The following UHRF1 variants were observed in gnomAD, a reference collection of about 807,000 sequenced individuals.
UHRF1 encodes E3 ubiquitin-protein ligase UHRF1.
A neutral mutation model predicts 96.5 loss-of-function variants in UHRF1; 9 were observed. The ratio of observed to expected loss-of-function variants is 0.09; its 90% confidence interval spans 0.06 to 0.16. The LOEUF (loss-of-function observed/expected upper bound fraction) is 0.16, where lower values mean the gene tolerates loss of function less well. UHRF1 is among the 10% of genes least tolerant of loss of function. The probability of loss-of-function intolerance (pLI) is 1.00; values close to 1 mark genes in which losing one functional copy is unlikely to be tolerated. For missense variants in UHRF1, 626 were observed against 1,131.1 expected (o/e 0.55, Z 6.40); for synonymous variants, 455 against 469.9 (o/e 0.97, Z 0.41).
chr19:4,935,170 G>A (rs916843849), intron 5 of UHRF1, among the ~76,000 whole-genome samples: 2 of 152,054 alleles, frequency 1.3e-5, no homozygotes, highest in African/African-American at 4.8e-5. Context: ...GTTTCACCAT[G>A]CTGCCCAGGC....
chr19:4,924,420 ATTATAGGC>A (rs908023807), intron 2 of UHRF1, among the ~76,000 whole-genome samples: 15 of 152,222 alleles, frequency 9.9e-5, no homozygotes, highest in African/African-American at 3.6e-4. Context: ...AAGTGCTGGG[ATTATAGGC>A]GTGAGCCACC....
At chr19:4,915,294 A>T (rs1452095066) in intron 2 of UHRF1, among the ~76,000 whole-genome samples, 1 of 152,166 alleles carries the variant, frequency 6.6e-6, no homozygotes, top group Non-Finnish European at 1.5e-5. Flanking sequence ...CTCCCCCAGG[A>T]TGGCTCCCTG....
chr19:4,931,982 G>T (rs2033066931), intron 4 of UHRF1, among the ~76,000 whole-genome samples: 1 of 152,096 alleles, frequency 6.6e-6, no homozygotes, highest in Admixed American at 6.5e-5. Context: ...GCCCAGGCTG[G>T]CGTCAATGGC....
intron 5 of UHRF1, among the ~76,000 whole-genome samples, chr19:4,941,085 G>GTTTTTTTT (rs869250736): frequency 7.2e-4 from 36 of 50,062 alleles, no homozygotes; most frequent in East Asian, 4.5e-3. Flanking sequence ...TCTGTGTTTT[G>GTTTTTTTT]TTTTTTTTTT....
At chr19:4,933,463 C>G (rs891697500) in intron 5 of UHRF1, among the ~76,000 whole-genome samples, 1 of 152,142 alleles carries the variant, frequency 6.6e-6, no homozygotes, top group Non-Finnish European at 1.5e-5. Flanking sequence ...ATCTGCCTGC[C>G]TCGGCCTCCC....
chr19:4,956,595 G>T, intron 15 of UHRF1, 114 bp from the exon 16 acceptor site: 1 of 711,414 alleles, frequency 1.4e-6, no homozygotes, highest in Non-Finnish European at 2.5e-6. Context: ...GCCTCCTGGA[G>T]TGAAGGCTGG....
In UHRF1 at chr19:4,954,433, G is replaced by T. The variant is rs778427608; in HGVS notation, c.1902G>T (p.Glu634Asp). 6.2e-7 allele frequency: 1 copy of T among 1,613,774 alleles called. No individual in the cohort carries two copies. The highest frequency in any genetic ancestry group is 8.5e-7 in the Non-Finnish European group (1 of 1,179,772). Residue 634 changes from glutamate to aspartate, a missense_variant, in exon 14 of 17, where the codon GAG becomes GAT. By Grantham distance (45) the Glu-to-Asp change is conservative. Around this residue, in one of 11 missense-constraint regions of UHRF1, gnomAD observed 90 missense variants for 94.7 expected, o/e 0.95. Transcript: ENST00000650932. This position sits in a 1 kb window ranked among gnomAD's most constrained non-coding sequence, Gnocchi z 5.9. ...NSKREEEEQQ[E>D]GGFASPRTGK... Reference sequence around the variant, plus strand: ...AGAGGGAGGAGGAGGAGCAGCAGGAGGGGGGCTTCGCGTCCCCCAGGACGG... The same window carrying T: ...AGAGGGAGGAGGAGGAGCAGCAGGATGGGGGCTTCGCGTCCCCCAGGACGG...
At chr19:4,947,490 C>CTTTTTTTTTTTTTTTTTTTTT (rs985069179) in intron 11 of UHRF1, among the ~76,000 whole-genome samples, 2 of 57,860 alleles carry the variant, frequency 3.5e-5, no homozygotes, top group African/African-American at 6.7e-5. Flanking sequence ...TAATAGATAT[C>CTTTTTTTTTTTTTTTTTTTTT]TTTTTTTTTT....
intron 10 of UHRF1, 150 bp from the exon 11 acceptor site, chr19:4,946,955 A>G: frequency 1.1e-5 from 7 of 629,966 alleles, no homozygotes; most frequent in Non-Finnish European, 1.9e-5. Flanking sequence ...AACAGTTTAC[A>G]AAGGGCTCCA....
At chr19:4,929,934 G>A (rs1000987976) in intron 3 of UHRF1, among the ~76,000 whole-genome samples, 4 of 152,058 alleles carry the variant, frequency 2.6e-5, no homozygotes, top group Admixed American at 6.6e-5. Context: ...CTGAGTAGCT[G>A]ATGTTATAGG....
intron 16 of UHRF1, among the ~76,000 whole-genome samples, chr19:4,958,514 C>T (rs2033913947): frequency 6.6e-6 from 1 of 152,234 alleles, no homozygotes; most frequent in South Asian, 2.1e-4. Flanking sequence ...CTGTCCTGTG[C>T]ATCGGTGTGA....
In UHRF1 at chr19:4,942,493, A is replaced by C. The variant is rs374011715; in HGVS notation, c.1073+562A>C. Among the ~76,000 whole-genome samples, 143 of 150,076 alleles carry C rather than the reference A, an allele frequency of 9.5e-4. 3 individuals are homozygous for C. The South Asian group carries it at 0.029, about 31-fold the overall frequency. ...GCGTGAGCCACCTCGCCCAGCCTTG[A>C]GACGGAGTCTAATGGCACGATCTTG... is the stretch of plus-strand genomic sequence containing the variant. On this transcript the variant is annotated intron_variant, in intron 7 of 16. Transcript: ENST00000650932.
Position 4,954,525 on chromosome 19 carries a change from T to A in UHRF1, c.1957+37T>A, listed in dbSNP as rs572088429. ...GTGGGTGTGGGGTGAGCGTCTTGTG[T>A]GTGGGGGAGCAGGTGGGCATCTCGC... On this transcript the variant is annotated intron_variant, in intron 14 of 16. Transcript: ENST00000650932. The surrounding 1 kb of genome is among the most constrained non-coding windows in gnomAD (Gnocchi z 5.9). The A allele has an allele frequency of 2.5e-6, 4 of 1,590,048 alleles. No homozygotes were observed. Among genetic ancestry groups the A allele is most frequent in the East Asian group, 4.5e-5 (2 of 44,464 alleles).
chr19:4,934,685 G>C (rs758402794), intron 5 of UHRF1, among the ~76,000 whole-genome samples: 1 of 152,136 alleles, frequency 6.6e-6, no homozygotes, highest in Non-Finnish European at 1.5e-5. Context: ...CTATAAACAC[G>C]AGCATCTTGG....
chr19:4,930,933 G>A lies in UHRF1; in HGVS notation c.569+57G>A, dbSNP rs2033032002. On this transcript the variant is annotated intron_variant, in intron 4 of 16. Coordinates refer to ENST00000650932, the MANE Select transcript of UHRF1 (RefSeq NM_001048201.3). This position sits in a 1 kb window ranked among gnomAD's most constrained non-coding sequence, Gnocchi z 4.4. ...TTCAGGCTCTGTGACGCGCATCCTT[G>A]GCTGCGGGTGTTCAGGCCAGAGCTT... 6.2e-7 allele frequency: 1 copy of A among 1,600,934 alleles called. No homozygotes were observed. The highest frequency in any genetic ancestry group is 8.5e-7 in the Non-Finnish European group (1 of 1,171,932).
At chr19:4,924,231 G>C (rs2032795743) in intron 2 of UHRF1, among the ~76,000 whole-genome samples, 4 of 152,026 alleles carry the variant, frequency 2.6e-5, no homozygotes, top group African/African-American at 9.7e-5. Flanking sequence ...CTCACGGCAA[G>C]CTCCGCCCCC....
chr19:4,960,070 C>A (rs527878333), intron 16 of UHRF1, among the ~76,000 whole-genome samples: 1 of 151,988 alleles, frequency 6.6e-6, no homozygotes. Context: ...CCAGGCTGGT[C>A]TTGAACTCCT....
At chr19:4,911,624 G>A (rs1404173861) in intron 2 of UHRF1, among the ~76,000 whole-genome samples, 1 of 152,150 alleles carries the variant, frequency 6.6e-6, no homozygotes, top group African/African-American at 2.4e-5. Context: ...GGGGTCCACC[G>A]ACCCTCGTCT....
At chr19:4,910,014 C>T (rs1435173425) in intron 1 of UHRF1, 1 of 177,618 alleles carries the variant, frequency 5.6e-6, no homozygotes, top group Admixed American at 6.3e-5. Context: ...CCGGGAGCAT[C>T]TGGGCCAATG....
Sources: gnomAD v4.1 joint callset for allele counts (sites outside exome capture counted in the v4.1 genomes callset) on GRCh38, gnomAD v4.1.1 for gene constraint, gnomAD v4.1.1 regional missense constraint, Gnocchi (gnomAD v3.1) non-coding constraint, MANE v1.5 for transcripts, NCBI Gene and HGNC (gene_info 2026-07-23, HGNC 2026-07-21) for gene names.